PCDHGA1: variants seen among roughly 807,000 people sequenced by gnomAD.
The protein encoded by PCDHGA1 is protocadherin gamma-A1.
Under a neutral mutation model 58.0 loss-of-function variants are expected in PCDHGA1, and 32 were observed. That is an observed-to-expected ratio of 0.55 (90% CI 0.42 to 0.74). The LOEUF (loss-of-function observed/expected upper bound fraction) is 0.74. Among genes scored for constraint, PCDHGA1 ranks in the 30% least tolerant of loss-of-function variants. PCDHGA1 has a pLI of 0.00. For missense variants in PCDHGA1, 1,205 were observed against 1,182.3 expected (o/e 1.02, Z -0.28); for synonymous variants, 498 against 501.1 (o/e 0.99, Z 0.08).
intron 1 of PCDHGA1, chr5:141,384,840 G>C: frequency 6.2e-7 from 1 of 1,613,610 alleles, no homozygotes; most frequent in African/African-American, 1.3e-5. Flanking sequence ...TGGCCGTCCA[G>C]GACCACGGTC....
chr5:141,491,901 G>C lies in PCDHGA1; in HGVS notation c.2422-2906G>C, dbSNP rs1196717010. 1 of 1,429,696 alleles carries C rather than the reference G, an allele frequency of 7.0e-7. No homozygotes were observed. The highest frequency in any genetic ancestry group is 9.3e-7 in the Non-Finnish European group (1 of 1,080,148). 88.6% of individuals were successfully genotyped at this position (1,429,696 alleles called of 1,614,324 possible). ...AAGGGATGGGGCTCCGAGCACCGGG[G>C]GTGGTGGCGACTGTGGGCGAGGGGA... On this transcript the variant is annotated intron_variant, in intron 1 of 3. Transcript: ENST00000517417. The surrounding 1 kb of genome is among the most constrained non-coding windows in gnomAD (Gnocchi z 6.9).
At chr5:141,463,261 T>G (rs552225283) in intron 1 of PCDHGA1, among the ~76,000 whole-genome samples, 29 of 152,134 alleles carry the variant, frequency 1.9e-4, no homozygotes, top group African/African-American at 6.3e-4. Context: ...TAGTACTCTA[T>G]CCCATAAATT....
chr5:141,346,022 C>T (rs962698210), intron 1 of PCDHGA1: 2 of 1,613,466 alleles, frequency 1.2e-6, no homozygotes, highest in Admixed American at 1.7e-5. Context: ...TCACCGTGGC[C>T]GTGGCCGACA....
chr5:141,486,745 C>T lies in PCDHGA1; in HGVS notation c.2422-8062C>T, dbSNP rs1167986336. On this transcript the variant is annotated intron_variant, in intron 1 of 3. Coordinates refer to ENST00000517417, the MANE Select transcript of PCDHGA1 (RefSeq NM_018912.3). This position sits in a 1 kb window ranked among gnomAD's most constrained non-coding sequence, Gnocchi z 5.0. ...CTGTTCATGCTACTCGATCCTTTGA[C>T]TATGAGCAAACCCAGACACTGCAGT... 3.1e-6 allele frequency: 5 copies of T among 1,614,226 alleles called. No homozygotes were observed. The highest frequency in any genetic ancestry group is 3.4e-6 in the Non-Finnish European group (4 of 1,180,044).
chr5:141,418,542 T>A (rs1260030087), intron 1 of PCDHGA1: 1 of 1,614,028 alleles, frequency 6.2e-7, no homozygotes, highest in South Asian at 1.1e-5. Context: ...ACTGCTCAGA[T>A]AAGAATCCTG....
chr5:141,363,504 C>T (rs750214934), intron 1 of PCDHGA1, among the ~76,000 whole-genome samples: 3 of 152,206 alleles, frequency 2.0e-5, no homozygotes, highest in Non-Finnish European at 4.4e-5. Context: ...AAAACCCCAT[C>T]CTCCACAGTT....
chr5:141,354,006 T>C (rs949928524), intron 1 of PCDHGA1, among the ~76,000 whole-genome samples: 1 of 152,236 alleles, frequency 6.6e-6, no homozygotes, highest in Non-Finnish European at 1.5e-5. Flanking sequence ...GATTAGTAAA[T>C]TACTGTAAGT....
chr5:141,350,646 G>C (rs780333642), intron 1 of PCDHGA1: 4 of 1,613,896 alleles, frequency 2.5e-6, no homozygotes, highest in African/African-American at 1.3e-5. Context: ...AATGCACCAC[G>C]TTTCGTTGCA....
At position 141,465,539 on chromosome 5, in the gene PCDHGA1, T is replaced by C. The variant is rs2099105222; in HGVS notation, c.2422-29268T>C. On this transcript the variant is annotated intron_variant, in intron 1 of 3. Transcript: ENST00000517417. ...GATTCTGGGGAAGTTTTCCCAGGCA[T>C]TTTTTCTGCTGAAGCTTTGGTAACT... Among the ~76,000 whole-genome samples the C allele has an allele frequency of 2.0e-5, 3 of 152,178 alleles. No homozygotes were observed. In the South Asian group the frequency reaches 6.2e-4, roughly 32 times the overall value.
intron 1 of PCDHGA1, chr5:141,364,349 G>T (rs758855393): frequency 6.5e-6 from 10 of 1,549,456 alleles, no homozygotes; most frequent in Middle Eastern, 1.7e-4. Context: ...TCCACCTAGG[G>T]GCTGGGGCTG....
intron 1 of PCDHGA1, chr5:141,351,055 C>G: frequency 1.2e-6 from 2 of 1,614,046 alleles, no homozygotes; most frequent in Non-Finnish European, 1.7e-6. Flanking sequence ...TGGCCACAGA[C>G]CAGGATGAGG....
chr5:141,344,839 C>T lies in PCDHGA1; in HGVS notation c.2421+11734C>T, dbSNP rs970599931. The T allele has an allele frequency of 1.9e-6, 3 of 1,613,836 alleles. No homozygotes were observed. The Admixed American group carries it at 5.0e-5, about 27-fold the overall frequency. On this transcript the variant is annotated intron_variant, in intron 1 of 3. Transcript: ENST00000517417. ...CTGCTCACGGTGAATGCCACTGACC[C>T]TGACGAGGGATTCAATGCTCAAGTG...
chr5:141,397,992 C>T (rs1449951628), intron 1 of PCDHGA1: 3 of 1,349,734 alleles, frequency 2.2e-6, no homozygotes, highest in Non-Finnish European at 3.0e-6. Context: ...ACACCGCTTC[C>T]TCCTCGGAAA....
At chr5:141,388,597 A>G (rs1277451358) in intron 1 of PCDHGA1, 1 of 1,613,752 alleles carries the variant, frequency 6.2e-7, no homozygotes, top group Non-Finnish European at 8.5e-7. Context: ...GCCAATGATA[A>G]TGCTCCAGTG....
Position 141,427,654 on chromosome 5 carries a change from TCCACGTGGC to T in PCDHGA1, c.2422-67151_2422-67143del, listed in dbSNP as rs562748605. On this transcript the variant is annotated intron_variant, in intron 1 of 3. Coordinates refer to ENST00000517417, the MANE Select transcript of PCDHGA1 (RefSeq NM_018912.3). ...GTTTTCCACCAAGTCTCCTACGTGG[TCCACGTGGC>T]CGAAAACAACCTTCCCGGAGCCTCC... 2.0e-4 allele frequency: 148 copies of T among 727,622 alleles called. No individual in the cohort carries two copies. The African/African-American group carries it at 2.4e-3, about 12-fold the overall frequency. The allele number at this position is 727,622 out of a possible 1,614,324, so 45.1% of individuals were successfully genotyped here.
At chr5:141,472,411 C>T (rs747412647) in intron 1 of PCDHGA1, among the ~76,000 whole-genome samples, 9 of 151,918 alleles carry the variant, frequency 5.9e-5, no homozygotes, top group Admixed American at 3.3e-4. Flanking sequence ...CGTGGTGGCA[C>T]GCACCTGTAT....
At position 141,418,023 on chromosome 5, in the gene PCDHGA1, G is replaced by A. The variant is rs375588252; in HGVS notation, c.2422-76784G>A. 244 of 1,613,996 alleles carry A rather than the reference G, an allele frequency of 1.5e-4. No individual in the cohort carries two copies. The Middle Eastern group carries it at 3.5e-3, about 23-fold the overall frequency. On this transcript the variant is annotated intron_variant, in intron 1 of 3. Coordinates refer to ENST00000517417, the MANE Select transcript of PCDHGA1 (RefSeq NM_018912.3). ...GTGGGGAACCTCGCTAAGGATCTAGGGCTTAGTGTCCTGGATGTGTCGGCT... is the reference window on the plus strand; with the variant it reads ...GTGGGGAACCTCGCTAAGGATCTAGAGCTTAGTGTCCTGGATGTGTCGGCT...
chr5:141,498,616 G>T (rs1202866176), intron 2 of PCDHGA1, among the ~76,000 whole-genome samples: 1 of 152,138 alleles, frequency 6.6e-6, no homozygotes, highest in East Asian at 1.9e-4. Flanking sequence ...AGTCAGCACT[G>T]GGTCACACTG....
chr5:141,393,073 C>T, intron 1 of PCDHGA1: 1 of 1,613,658 alleles, frequency 6.2e-7, no homozygotes. Context: ...TTGATCACCG[C>T]GGGCAGGATA....
Sources: gnomAD v4.1 joint callset for allele counts (sites outside exome capture counted in the v4.1 genomes callset) on GRCh38, gnomAD v4.1.1 for gene constraint, Gnocchi (gnomAD v3.1) non-coding constraint, MANE v1.5 for transcripts, NCBI Gene and HGNC (gene_info 2026-07-23, HGNC 2026-07-21) for gene names.